Variants in INPP5A observed in about 807,000 individuals in gnomAD.
INPP5A encodes the protein inositol polyphosphate-5-phosphatase A.
In INPP5A, 14 loss-of-function variants were observed where a neutral mutation model predicts 65.2. That is an observed-to-expected ratio of 0.21 (90% CI 0.14 to 0.34). The LOEUF (loss-of-function observed/expected upper bound fraction) is 0.34, where lower values mean the gene tolerates loss of function less well. INPP5A is among the 10% of genes least tolerant of loss of function. The pLI, the probability that INPP5A is intolerant of heterozygous loss-of-function variation, is 1.00. For synonymous variants in INPP5A, 207 were observed against 208.3 expected (o/e 0.99, Z 0.05); for missense variants, 431 against 545.6 (o/e 0.79, Z 2.09).
At chr10:132,728,907 A>G (rs892731144) in intron 9 of INPP5A, among the ~76,000 whole-genome samples, 3 of 152,052 alleles carry the variant, frequency 2.0e-5, no homozygotes, top group Non-Finnish European at 2.9e-5. Flanking sequence ...GGCAGTGGGA[A>G]GCCTGGGCTC....
chr10:132,564,349 G>A lies in INPP5A; in HGVS notation c.75+26178G>A, dbSNP rs183186908. On this transcript the variant is annotated intron_variant, in intron 1 of 15. Transcript: ENST00000368594. ...CCCTCCACCCCGATTCAGGGACTGCGCTTCTTGAAGAGGGTTGTGAGCACG... is the reference window on the plus strand; with the variant it reads ...CCCTCCACCCCGATTCAGGGACTGCACTTCTTGAAGAGGGTTGTGAGCACG... Among the ~76,000 whole-genome samples the A allele has an allele frequency of 3.1e-4, 47 of 152,234 alleles. No homozygotes were observed. The East Asian group carries it at 6.8e-3, about 22-fold the overall frequency.
chr10:132,630,173 C>CGTCCATGAGGGTAAGGT (rs1307386040), intron 2 of INPP5A, among the ~76,000 whole-genome samples: 2 of 152,070 alleles, frequency 1.3e-5, no homozygotes, highest in Non-Finnish European at 2.9e-5. Flanking sequence ...GAAGAAAAGG[C>CGTCCATGAGGGTAAGGT]GTCCATGAGG....
At chr10:132,742,511 C>T (rs1174147302) in intron 9 of INPP5A, among the ~76,000 whole-genome samples, 1 of 152,200 alleles carries the variant, frequency 6.6e-6, no homozygotes, top group Non-Finnish European at 1.5e-5. Flanking sequence ...GCCTGCCATC[C>T]CCAGGTGGAA....
intron 4 of INPP5A, among the ~76,000 whole-genome samples, chr10:132,680,761 G>A (rs1346131210): frequency 6.6e-6 from 1 of 152,230 alleles, no homozygotes; most frequent in African/African-American, 2.4e-5. Context: ...CCGAGCAGCC[G>A]GCCGGCCCTG....
At chr10:132,710,687 G>T (rs1845620417) in intron 8 of INPP5A, among the ~76,000 whole-genome samples, 1 of 149,896 alleles carries the variant, frequency 6.7e-6, no homozygotes, top group Admixed American at 6.6e-5. Context: ...GGATGGAGAG[G>T]TAGGTGTGGA....
At chr10:132,660,409 G>A (rs574117802) in intron 4 of INPP5A, among the ~76,000 whole-genome samples, 13 of 151,844 alleles carry the variant, frequency 8.6e-5, no homozygotes, top group Middle Eastern at 3.4e-3. Context: ...TGCAGAACTC[G>A]TGTGTGTGTG....
chr10:132,608,746 A>G (rs1048002448), intron 2 of INPP5A, among the ~76,000 whole-genome samples: 1 of 152,200 alleles, frequency 6.6e-6, no homozygotes, highest in African/African-American at 2.4e-5. Context: ...AGCTGCTCAC[A>G]TGCTCAGACC....
At position 132,749,559 on chromosome 10, in the gene INPP5A, G is replaced by A. The variant is rs752726044; in HGVS notation, c.775G>A (p.Asp259Asn). The A allele has an allele frequency of 1.6e-5, 25 of 1,612,884 alleles. No individual in the cohort carries two copies. Among genetic ancestry groups the A allele is most frequent in the Admixed American group, 1.7e-5 (1 of 60,004 alleles). Residue 259 changes from aspartate (D) to asparagine (N), a missense_variant, in exon 10 of 16, where the codon GAC becomes AAC. Transcript: ENST00000368594. ...KATMQTVRAA[D>N]TNEVVKLIFR... is the part of the protein sequence containing the mutation. The stretch of plus-strand genomic sequence containing the variant: ...CACCATGCAGACGGTCCGGGCCGCC[G>A]ACACCAATGAAGTGGTGAAGCTCAT...
intron 9 of INPP5A, among the ~76,000 whole-genome samples, chr10:132,731,756 C>T (rs1372452287): frequency 6.6e-6 from 1 of 152,122 alleles, no homozygotes; most frequent in Non-Finnish European, 1.5e-5. Flanking sequence ...TGCGGGTTTC[C>T]TCCAGTGCAG....
chr10:132,771,625 C>T (rs1407457468), intron 12 of INPP5A, among the ~76,000 whole-genome samples: 1 of 151,558 alleles, frequency 6.6e-6, no homozygotes, highest in Non-Finnish European at 1.5e-5. Flanking sequence ...GACGGACACT[C>T]AGCACTGACA....
intron 9 of INPP5A, among the ~76,000 whole-genome samples, chr10:132,734,991 C>T (rs1378972702): frequency 2.6e-5 from 4 of 152,148 alleles, no homozygotes; most frequent in African/African-American, 9.7e-5. Context: ...CAGAGGCGGG[C>T]AGGGCCTCCC....
chr10:132,632,738 A>C (rs893784258), intron 2 of INPP5A, among the ~76,000 whole-genome samples: 1 of 152,218 alleles, frequency 6.6e-6, no homozygotes, highest in East Asian at 1.9e-4. Context: ...ATTAAAACCA[A>C]AGGCAATAAA....
intron 1 of INPP5A, among the ~76,000 whole-genome samples, chr10:132,568,189 CAAA>C (rs56217302): frequency 8.2e-4 from 51 of 61,950 alleles, no homozygotes; most frequent in African/African-American, 3.0e-3. Context: ...GACTCCGTCT[CAAA>C]AAAAAAAAAA....
At chr10:132,760,366 G>T (rs1378292574) in intron 11 of INPP5A, among the ~76,000 whole-genome samples, 3 of 152,366 alleles carry the variant, frequency 2.0e-5, no homozygotes, top group Admixed American at 6.5e-5. Context: ...CCTGCGAGGG[G>T]CGATGGTCCT....
chr10:132,701,562 G>A (rs780240407), intron 6 of INPP5A, among the ~76,000 whole-genome samples: 16 of 152,238 alleles, frequency 1.1e-4, no homozygotes, highest in African/African-American at 3.4e-4. Flanking sequence ...GCATGTGAGC[G>A]TTGGCTGAGG....
rs1417736735 is a variant in INPP5A, at chr10:132,707,177, G to A, written c.475-1136G>A. ...TCCTCAGCAGACCTTAGGGTGTGGT[G>A]GAGGAGACAGGGTCTTCCCTGTCCT... On this transcript the variant is annotated intron_variant, in intron 6 of 15. Coordinates refer to ENST00000368594, the MANE Select transcript of INPP5A (RefSeq NM_005539.5). The surrounding 1 kb of genome is among the most constrained non-coding windows in gnomAD (Gnocchi z 5.5). 6.6e-6 allele frequency among the ~76,000 whole-genome samples: 1 copy of A among 152,208 alleles called. No individual in the cohort carries two copies. Among genetic ancestry groups the A allele is most frequent in the African/African-American group, 2.4e-5 (1 of 41,456 alleles).
rs964832695 is a variant in INPP5A at position 132,616,761 on chromosome 10, C to T, written c.117+8805C>T. 7.4e-5 allele frequency among the ~76,000 whole-genome samples: 11 copies of T among 148,714 alleles called. No homozygotes were observed. Among genetic ancestry groups the T allele is most frequent in the African/African-American group, 7.5e-5 (3 of 40,054 alleles). ...CGATGTGTCATGTGGTGATGGGGGA[C>T]GTGGCGTGGGGGATATGGGGTCCTG... On this transcript the variant is annotated intron_variant, in intron 2 of 15. Transcript: ENST00000368594. The surrounding 1 kb of genome is among the most constrained non-coding windows in gnomAD (Gnocchi z 4.9).
Position 132,675,666 on chromosome 10 carries a change from C to T in INPP5A, c.307-14726C>T, listed in dbSNP as rs1466478815. 2.6e-5 allele frequency among the ~76,000 whole-genome samples: 4 copies of T among 152,166 alleles called. No individual in the cohort carries two copies. Among genetic ancestry groups the T allele is most frequent in the Admixed American group, 6.5e-5 (1 of 15,288 alleles). The stretch of plus-strand genomic sequence containing the variant: ...GACCCCGATCAGGGTCTGGAGGGAG[C>T]GTGTGCCCTTGGAATACTGCTGTTT... On this transcript the variant is annotated intron_variant, in intron 4 of 15. Transcript: ENST00000368594. This position sits in a 1 kb window ranked among gnomAD's most constrained non-coding sequence, Gnocchi z 4.2.
At chr10:132,750,465 G>C (rs1419317255) in intron 11 of INPP5A, among the ~76,000 whole-genome samples, 1 of 152,274 alleles carries the variant, frequency 6.6e-6, no homozygotes, top group African/African-American at 2.4e-5. Context: ...TGCTGGACCT[G>C]CTGTTGGTTT....
Sources: allele counts gnomAD v4.1 joint callset (sites outside exome capture counted in the v4.1 genomes callset), GRCh38; gene constraint gnomAD v4.1.1; non-coding constraint Gnocchi (gnomAD v3.1); transcripts MANE v1.5; gene names NCBI Gene and HGNC (gene_info 2026-07-23, HGNC 2026-07-21).